The following IL1RAPL1 variants were observed in gnomAD, a reference collection of about 807,000 sequenced individuals.
IL1RAPL1 encodes interleukin 1 receptor accessory protein like 1.
Under a neutral mutation model 48.4 loss-of-function variants are expected in IL1RAPL1, and 3 were observed. The observed-to-expected ratio is 0.06, with a 90% CI of 0.03 to 0.16. The LOEUF (loss-of-function observed/expected upper bound fraction) is 0.16, where lower values mean the gene tolerates loss of function less well. Ranked by LOEUF, IL1RAPL1 falls within the 10% of genes least tolerant of loss-of-function variation. The pLI is 1.00. For missense variants in IL1RAPL1, 349 were observed against 530.6 expected (o/e 0.66, Z 3.36); for synonymous variants, 185 against 187.7 (o/e 0.99, Z 0.12).
chrX:29,643,676 A>C (rs1268403597), intron 5 of IL1RAPL1, among the ~76,000 whole-genome samples: 1 of 111,545 alleles, frequency 9.0e-6, no homozygotes, highest in Non-Finnish European at 1.9e-5. Flanking sequence ...GTATTTCTCA[A>C]GGAGACTCTG....
At chrX:28,915,894 A>G (rs1297282318) in intron 2 of IL1RAPL1, among the ~76,000 whole-genome samples, 1 of 110,054 alleles carries the variant, frequency 9.1e-6, no homozygotes, top group African/African-American at 3.3e-5. Context: ...TAGCTTCTAA[A>G]TAGTGAAAAA....
At chrX:28,688,224 C>T (rs904414562) in intron 1 of IL1RAPL1, among the ~76,000 whole-genome samples, 1 of 107,383 alleles carries the variant, frequency 9.3e-6, no homozygotes, top group Non-Finnish European at 1.9e-5. Context: ...CAGGGTCTCA[C>T]TCTGTTGTCT....
chrX:29,237,097 G>C (rs937898024), intron 2 of IL1RAPL1, among the ~76,000 whole-genome samples: 5 of 110,766 alleles, frequency 4.5e-5, no homozygotes, highest in African/African-American at 1.6e-4. Context: ...GTTTTTATGA[G>C]GTTTCAACAA....
rs148408392 is a variant in IL1RAPL1 at position 29,427,893 on chromosome X, G to A, written c.703+28585G>A. Among the ~76,000 whole-genome samples the A allele has an allele frequency of 8.3e-3, 925 of 111,471 alleles. 16 individuals are homozygous for A. The highest frequency in any genetic ancestry group is 0.029 in the African/African-American group (883 of 30,690). Reference sequence around the variant, plus strand: ...GTGGCCTTTCATTAGCTTTACAAAGGTGGTTTCAGTCTGAACAAGGAGGGG... The same window carrying A: ...GTGGCCTTTCATTAGCTTTACAAAGATGGTTTCAGTCTGAACAAGGAGGGG... On this transcript the variant is annotated intron_variant, in intron 5 of 10. Transcript: ENST00000378993.
intron 5 of IL1RAPL1, among the ~76,000 whole-genome samples, chrX:29,641,122 G>A (rs762843707): frequency 1.8e-5 from 2 of 112,362 alleles, no homozygotes; most frequent in Non-Finnish European, 3.8e-5. Context: ...AGTGAGTCAC[G>A]ATCGCGCCAC....
rs139547647 is a variant in IL1RAPL1, at chrX:29,101,746, G to A, written c.83-181192G>A. On this transcript the variant is annotated intron_variant, in intron 2 of 10. Transcript: ENST00000378993. ...AGGTCAGGAGTTCCAGACCAGCCTG[G>A]CCAACACGGTGAAACTCCGTCTCTG... 2.7e-3 allele frequency among the ~76,000 whole-genome samples: 298 copies of A among 110,941 alleles called. 1 individual carries two copies. The highest frequency in any genetic ancestry group is 8.6e-3 in the African/African-American group (263 of 30,550).
At chrX:28,715,663 G>A (rs1935495964) in intron 1 of IL1RAPL1, among the ~76,000 whole-genome samples, 2 of 111,305 alleles carry the variant, frequency 1.8e-5, no homozygotes, top group Admixed American at 9.6e-5. Context: ...GACCAATAAT[G>A]AGTTCTGAAA....
At chrX:29,889,575 G>A (rs1463952468) in intron 6 of IL1RAPL1, among the ~76,000 whole-genome samples, 1 of 111,564 alleles carries the variant, frequency 9.0e-6, no homozygotes. Context: ...AGAGTTACTT[G>A]TACTGATAGA....
chrX:29,306,578 T>C (rs1338411032), intron 3 of IL1RAPL1, among the ~76,000 whole-genome samples: 1 of 94,305 alleles, frequency 1.1e-5, no homozygotes, highest in Non-Finnish European at 2.1e-5. Context: ...ATAGTTTATT[T>C]ATGGCCAGGC....
chrX:29,909,743 T>C (rs1277410485), intron 6 of IL1RAPL1, among the ~76,000 whole-genome samples: 2 of 109,905 alleles, frequency 1.8e-5, no homozygotes, highest in Non-Finnish European at 3.8e-5. Context: ...TTCAGTGCTA[T>C]GATTAAAAAG....
At chrX:28,618,268 A>G (rs992152074) in intron 1 of IL1RAPL1, among the ~76,000 whole-genome samples, 15 of 112,261 alleles carry the variant, frequency 1.3e-4, no homozygotes, top group African/African-American at 4.5e-4. Context: ...TGTGAAACAT[A>G]AAACGATATC....
At chrX:28,862,597 G>A (rs1436027621) in intron 2 of IL1RAPL1, among the ~76,000 whole-genome samples, 1 of 111,864 alleles carries the variant, frequency 8.9e-6, no homozygotes, top group Non-Finnish European at 1.9e-5. Context: ...GTAGACACTT[G>A]CCTCTGGATG....
intron 2 of IL1RAPL1, among the ~76,000 whole-genome samples, chrX:29,186,195 C>T (rs999499976): frequency 4.5e-5 from 5 of 111,492 alleles, no homozygotes; most frequent in Non-Finnish European, 9.4e-5. Context: ...GATGATCATA[C>T]CAATTTTTTA....
intron 2 of IL1RAPL1, among the ~76,000 whole-genome samples, chrX:29,057,437 TC>T (rs1927242900): frequency 1.8e-5 from 2 of 109,772 alleles, no homozygotes; most frequent in South Asian, 3.9e-4. Flanking sequence ...TCTTTTTTTT[TC>T]TTTTTTTTGA....
intron 9 of IL1RAPL1, among the ~76,000 whole-genome samples, chrX:29,948,955 A>G (rs1295085862): frequency 8.9e-6 from 1 of 111,968 alleles, no homozygotes; most frequent in Admixed American, 9.5e-5. Flanking sequence ...AAACATTTCT[A>G]CTGTCAGTAA....
chrX:29,942,977 T>C (rs1186282300), intron 9 of IL1RAPL1, among the ~76,000 whole-genome samples: 1 of 110,278 alleles, frequency 9.1e-6, no homozygotes, highest in African/African-American at 3.3e-5. Context: ...CAGTAAATGG[T>C]ACCAAGGAAA....
intron 3 of IL1RAPL1, among the ~76,000 whole-genome samples, chrX:29,344,603 T>G (rs763094694): frequency 2.1e-4 from 24 of 111,925 alleles, no homozygotes; most frequent in African/African-American, 7.8e-4. Flanking sequence ...CACTCTACTC[T>G]CCAACTTCTC....
chrX:29,732,544 T>G (rs1217015910), intron 6 of IL1RAPL1, among the ~76,000 whole-genome samples: 1 of 111,969 alleles, frequency 8.9e-6, no homozygotes, highest in Non-Finnish European at 1.9e-5. Context: ...TAAAAAATGG[T>G]GTAGACTTTC....
At chrX:29,550,960 G>A (rs771815565) in intron 5 of IL1RAPL1, among the ~76,000 whole-genome samples, 3 of 111,854 alleles carry the variant, frequency 2.7e-5, no homozygotes, top group African/African-American at 9.7e-5. Context: ...CCCATTCAAC[G>A]TCTTCCCACT....
Sources: allele counts gnomAD v4.1 joint callset (sites outside exome capture counted in the v4.1 genomes callset), GRCh38; gene constraint gnomAD v4.1.1; transcripts MANE v1.5; gene names NCBI Gene and HGNC (gene_info 2026-07-23, HGNC 2026-07-21).